OPCML: variants seen among roughly 807,000 people sequenced by gnomAD.
The protein encoded by OPCML is opioid-binding protein/cell adhesion molecule.
In OPCML, 13 loss-of-function variants were observed where a neutral mutation model predicts 37.8. That is an observed-to-expected ratio of 0.34 (90% CI 0.22 to 0.55). The LOEUF (loss-of-function observed/expected upper bound fraction) is 0.55. Ranked by LOEUF, OPCML falls within the 20% of genes least tolerant of loss-of-function variation. The pLI is 0.91. For missense variants in OPCML, 341 were observed against 435.6 expected, an observed-to-expected ratio of 0.78 and a Z score of 1.93; for synonymous variants, 176 against 168.8, an observed-to-expected ratio of 1.04 and a Z score of -0.33.
intron 2 of OPCML, among the ~76,000 whole-genome samples, chr11:132,901,721 C>T (rs1265869076): frequency 3.3e-5 from 5 of 152,022 alleles, no homozygotes; most frequent in South Asian, 2.1e-4. Context: ...TATTTCTCTG[C>T]GACAGCAGTA....
At chr11:132,687,183 G>A (rs1386037026) in intron 2 of OPCML, among the ~76,000 whole-genome samples, 1 of 151,370 alleles carries the variant, frequency 6.6e-6, no homozygotes, top group African/African-American at 2.4e-5. Flanking sequence ...TTACGGTTAG[G>A]AATTTTTCCA....
intron 3 of OPCML, among the ~76,000 whole-genome samples, chr11:132,651,564 A>G (rs773611294): frequency 1.1e-4 from 17 of 152,316 alleles, no homozygotes; most frequent in South Asian, 4.1e-4. Context: ...ATTTGTAAAC[A>G]TGACTAGGGT....
At chr11:132,872,175 T>C (rs1942823627) in intron 2 of OPCML, among the ~76,000 whole-genome samples, 1 of 152,254 alleles carries the variant, frequency 6.6e-6, no homozygotes, top group Non-Finnish European at 1.5e-5. Flanking sequence ...TGCTCAAAGA[T>C]TATTTGTCAA....
intron 1 of OPCML, among the ~76,000 whole-genome samples, chr11:133,437,272 G>A (rs114005295): frequency 0.012 from 1,813 of 152,194 alleles, 51 homozygotes; most frequent in African/African-American, 0.04. Flanking sequence ...TGCCACAGAC[G>A]GAAGCCATTA....
At chr11:133,365,767 G>T (rs1263636302) in intron 1 of OPCML, 1 of 152,216 alleles carries the variant, frequency 6.6e-6, no homozygotes, top group Non-Finnish European at 1.5e-5. Flanking sequence ...GTTCATGCTA[G>T]TCACCTCTTG....
intron 2 of OPCML, among the ~76,000 whole-genome samples, chr11:132,686,800 C>T (rs979221535): frequency 1.3e-5 from 2 of 152,190 alleles, no homozygotes; most frequent in South Asian, 2.1e-4. Context: ...ATTCTGGACA[C>T]ATCACCCACA....
intron 3 of OPCML, among the ~76,000 whole-genome samples, chr11:132,561,631 T>A (rs954438486): frequency 2.0e-5 from 3 of 152,214 alleles, no homozygotes; most frequent in Non-Finnish European, 4.4e-5. Context: ...GCTGCTCCAA[T>A]CCACTGTGAA....
intron 4 of OPCML, among the ~76,000 whole-genome samples, chr11:132,483,834 T>G (rs1300006262): frequency 1.3e-5 from 2 of 151,684 alleles, no homozygotes; most frequent in South Asian, 2.1e-4. Flanking sequence ...CCCTATTTAA[T>G]AAATGGTGCT....
intron 1 of OPCML, among the ~76,000 whole-genome samples, chr11:133,083,174 G>A (rs1370084911): frequency 6.6e-6 from 1 of 152,062 alleles, no homozygotes; most frequent in Non-Finnish European, 1.5e-5. Flanking sequence ...ACCCCGCCGA[G>A]CGGGCCGCAC....
chr11:133,011,002 A>C (rs1185039761), intron 1 of OPCML, among the ~76,000 whole-genome samples: 1 of 152,234 alleles, frequency 6.6e-6, no homozygotes, highest in East Asian at 1.9e-4. Context: ...GTAGTACACT[A>C]TCTGGAATTT....
intron 2 of OPCML, among the ~76,000 whole-genome samples, chr11:132,722,881 C>T (rs1466465202): frequency 6.6e-6 from 1 of 152,180 alleles, no homozygotes; most frequent in Non-Finnish European, 1.5e-5. Flanking sequence ...TATGCTTTAT[C>T]TTTATTCACA....
At chr11:132,822,047 T>C (rs1940019520) in intron 2 of OPCML, among the ~76,000 whole-genome samples, 2 of 152,210 alleles carry the variant, frequency 1.3e-5, no homozygotes, top group Non-Finnish European at 2.9e-5. Context: ...AAAAGGAGTC[T>C]TGTCTCTTAC....
Position 132,457,767 on chromosome 11 carries a change from G to A in OPCML, c.506-20408C>T, listed in dbSNP as rs1028725459. On this transcript the variant is annotated intron_variant, in intron 4 of 7. Coordinates refer to ENST00000524381, the MANE Select transcript of OPCML (RefSeq NM_001012393.5). ...CTCCTGCCCCAGCTGCCTGGTGTACGGTCTGCTGAGCCCTCTGGGGAACTG... is the reference window on the plus strand; with the variant it reads ...CTCCTGCCCCAGCTGCCTGGTGTACAGTCTGCTGAGCCCTCTGGGGAACTG... 7.2e-5 allele frequency among the ~76,000 whole-genome samples: 11 copies of A among 152,274 alleles called. 1 individual carries two copies. Among genetic ancestry groups the A allele is most frequent in the East Asian group, 1.9e-4 (1 of 5,158 alleles).
At chr11:133,220,574 G>A (rs1939773441) in intron 1 of OPCML, among the ~76,000 whole-genome samples, 2 of 152,150 alleles carry the variant, frequency 1.3e-5, no homozygotes, top group Admixed American at 1.3e-4. Flanking sequence ...GCCAGCACAT[G>A]CTTCCTCAAG....
chr11:133,140,570 G>GA (rs1287267324), intron 1 of OPCML, among the ~76,000 whole-genome samples: 2 of 139,346 alleles, frequency 1.4e-5, no homozygotes, highest in East Asian at 4.1e-4. Flanking sequence ...AGAAGAAGAA[G>GA]AAGAAGAAAG....
intron 2 of OPCML, among the ~76,000 whole-genome samples, chr11:132,902,416 G>C (rs1944095374): frequency 6.6e-6 from 1 of 152,196 alleles, no homozygotes; most frequent in Non-Finnish European, 1.5e-5. Context: ...TCTGGCACAT[G>C]CTGGGTGTGC....
At chr11:133,304,449 C>T (rs753135110) in intron 1 of OPCML, among the ~76,000 whole-genome samples, 4 of 152,178 alleles carry the variant, frequency 2.6e-5, no homozygotes, top group South Asian at 2.1e-4. Context: ...ACCTGTTATG[C>T]CTTCCATTTT....
intron 2 of OPCML, among the ~76,000 whole-genome samples, chr11:132,934,805 C>G (rs902710402): frequency 6.6e-6 from 1 of 151,766 alleles, no homozygotes; most frequent in African/African-American, 2.4e-5. Context: ...TGAAAATTTC[C>G]TCATCCATCA....
At chr11:132,705,675 C>G (rs1944003546) in intron 2 of OPCML, among the ~76,000 whole-genome samples, 1 of 152,176 alleles carries the variant, frequency 6.6e-6, no homozygotes, top group Admixed American at 6.5e-5. Context: ...CATGCAAGCT[C>G]CCACTTGACC....
Sources: gnomAD v4.1 joint callset for allele counts (sites outside exome capture counted in the v4.1 genomes callset) on GRCh38, gnomAD v4.1.1 for gene constraint, MANE v1.5 for transcripts, NCBI Gene and HGNC (gene_info 2026-07-23, HGNC 2026-07-21) for gene names.